The following DCAF10 variants were observed in gnomAD, a reference collection of about 807,000 sequenced individuals.
The protein encoded by DCAF10 is DDB1 and CUL4 associated factor 10.
Under a neutral mutation model 51.9 loss-of-function variants are expected in DCAF10, and 19 were observed. That is an observed-to-expected ratio of 0.37 (90% CI 0.26 to 0.54). The LOEUF is 0.54. Ranked by LOEUF, DCAF10 falls within the 20% of genes least tolerant of loss-of-function variation. The pLI is 0.87. For missense variants in DCAF10, 510 were observed against 730.6 expected (o/e 0.70, Z 3.48); for synonymous variants, 291 against 297.1 (o/e 0.98, Z 0.21).
At position 37,861,770 on chromosome 9, in the gene DCAF10, G is replaced by A; in HGVS notation, c.*262G>A. The stretch of plus-strand genomic sequence containing the variant: ...TGTGCCACTGAACTCCAGTTCTTCT[G>A]GTCATTTTGCATGGTAGCTCTTGTC... On this transcript the variant is annotated 3_prime_UTR_variant, in exon 7 of 7. Transcript: ENST00000377724. This position sits in a 1 kb window ranked among gnomAD's most constrained non-coding sequence, Gnocchi z 4.9. 1 of 358,884 alleles carries A rather than the reference G, an allele frequency of 2.8e-6. No homozygotes were observed. Among genetic ancestry groups the A allele is most frequent in the Non-Finnish European group, 5.1e-6 (1 of 196,586 alleles). The allele number at this position is 358,884 out of a possible 1,614,324, so 22.2% of individuals were successfully genotyped here. A position where few individuals can be genotyped will look rare whatever the true frequency, so the allele number is the denominator to read the frequency against.
At chr9:37,808,680 A>ATGTT (rs1465532855) in intron 1 of DCAF10, among the ~76,000 whole-genome samples, 1 of 103,434 alleles carries the variant, frequency 9.7e-6, no homozygotes, top group Non-Finnish European at 1.7e-5. Flanking sequence ...TATAATATAA[A>ATGTT]ATATAAATAT....
At chr9:37,812,252 C>A (rs1295999745) in intron 1 of DCAF10, among the ~76,000 whole-genome samples, 1 of 150,504 alleles carries the variant, frequency 6.6e-6, no homozygotes, top group Non-Finnish European at 1.5e-5. Flanking sequence ...CTACCAACTT[C>A]TTCAAAAACA....
chr9:37,842,737 T>C (rs1830368158), intron 3 of DCAF10, among the ~76,000 whole-genome samples: 1 of 152,196 alleles, frequency 6.6e-6, no homozygotes, highest in Non-Finnish European at 1.5e-5. Context: ...ATTTTGGTTG[T>C]CACTATGGGG....
intron 6 of DCAF10, 129 bp downstream of exon 6, chr9:37,860,322 T>C: frequency 9.3e-6 from 11 of 1,187,870 alleles, no homozygotes; most frequent in Non-Finnish European, 1.2e-5. Context: ...AGATCCTGCT[T>C]CTCGACTCTC....
At chr9:37,842,908 T>C (rs937114535) in intron 3 of DCAF10, among the ~76,000 whole-genome samples, 1 of 152,232 alleles carries the variant, frequency 6.6e-6, no homozygotes, top group Non-Finnish European at 1.5e-5. Flanking sequence ...TATAAAGAAA[T>C]TGATATTTAA....
rs763471594 is a variant in DCAF10, at chr9:37,860,229, A to G, written c.1311+36A>G. On this transcript the variant is annotated intron_variant, in intron 6 of 6. Transcript: ENST00000377724. ...CAGCACTCCACCTTCAACAGGGCTC[A>G]TTGGACAAATTGCCATTGCCGTGTG... The G allele has an allele frequency of 3.1e-6, 5 of 1,605,606 alleles. No homozygotes were observed. In the East Asian group the frequency reaches 8.9e-5, roughly 29 times the overall value.
chr9:37,858,283 G>C (rs1021569874), intron 5 of DCAF10, among the ~76,000 whole-genome samples: 4 of 152,106 alleles, frequency 2.6e-5, no homozygotes, highest in Admixed American at 2.0e-4. Context: ...AAGGTTAAAG[G>C]CTCCTCCTCT....
At chr9:37,805,720 A>G (rs1589072295) in intron 1 of DCAF10, among the ~76,000 whole-genome samples, 1 of 152,364 alleles carries the variant, frequency 6.6e-6, no homozygotes, top group East Asian at 1.9e-4. Context: ...TAAAAAGCAC[A>G]AAGAATAGCT....
At chr9:37,839,532 G>A (rs769861634) in intron 2 of DCAF10, among the ~76,000 whole-genome samples, 3 of 152,124 alleles carry the variant, frequency 2.0e-5, no homozygotes, top group Non-Finnish European at 2.9e-5. Flanking sequence ...GAGCTACCAC[G>A]CTTGGCCAGG....
At chr9:37,821,772 A>AACTAT (rs1829708640) in intron 2 of DCAF10, among the ~76,000 whole-genome samples, 5 of 152,356 alleles carry the variant, frequency 3.3e-5, no homozygotes, top group African/African-American at 1.2e-4. Flanking sequence ...CTGGGACCTA[A>AACTAT]TTAAACTAAA....
chr9:37,844,398 C>T (rs553367289), intron 3 of DCAF10, among the ~76,000 whole-genome samples: 85 of 152,338 alleles, frequency 5.6e-4, no homozygotes, highest in African/African-American at 1.9e-3. Context: ...CACCTGTAAT[C>T]CCAGCACTTC....
chr9:37,802,930 A>G (rs1387028207), intron 1 of DCAF10, among the ~76,000 whole-genome samples: 2 of 151,780 alleles, frequency 1.3e-5, no homozygotes, highest in Admixed American at 1.3e-4. Flanking sequence ...TCTCCTCCCA[A>G]CCTCCTACCG....
intron 2 of DCAF10, among the ~76,000 whole-genome samples, chr9:37,828,308 C>T (rs1829912445): frequency 6.6e-6 from 1 of 151,754 alleles, no homozygotes; most frequent in South Asian, 2.1e-4. Context: ...GTTGGAAGCA[C>T]TGTCATGTAT....
intron 1 of DCAF10, among the ~76,000 whole-genome samples, chr9:37,815,431 G>A (rs1829495127): frequency 6.6e-6 from 1 of 152,186 alleles, no homozygotes; most frequent in African/African-American, 2.4e-5. Flanking sequence ...GATCACCTGA[G>A]GTCAGCAGTT....
chr9:37,844,650 CA>C (rs1331232881), intron 3 of DCAF10, among the ~76,000 whole-genome samples: 2 of 151,822 alleles, frequency 1.3e-5, no homozygotes, highest in Non-Finnish European at 2.9e-5. Flanking sequence ...GACTCTGTCT[CA>C]AAACAATAAC....
At chr9:37,859,665 G>A (rs1830956316) in intron 5 of DCAF10, among the ~76,000 whole-genome samples, 2 of 152,150 alleles carry the variant, frequency 1.3e-5, no homozygotes, top group South Asian at 2.1e-4. Context: ...CCAATGAGAG[G>A]AGAATTGTTA....
chr9:37,809,115 T>C (rs1168847440), intron 1 of DCAF10, among the ~76,000 whole-genome samples: 2 of 147,766 alleles, frequency 1.4e-5, no homozygotes, highest in Non-Finnish European at 3.0e-5. Context: ...AAAAGATAAC[T>C]AGAAAAGTCT....
chr9:37,816,963 C>T (rs28563851), intron 1 of DCAF10, among the ~76,000 whole-genome samples: 29,123 of 152,026 alleles, frequency 0.19, 3,198 homozygotes, highest in African/African-American at 0.29. Flanking sequence ...GAAAAAGTGT[C>T]AGTAAAGCAA....
intron 2 of DCAF10, among the ~76,000 whole-genome samples, chr9:37,838,987 A>C (rs1589102193): frequency 6.6e-6 from 1 of 152,274 alleles, no homozygotes; most frequent in East Asian, 1.9e-4. Context: ...TTTTGAGATA[A>C]TATTAGGTTT....
Sources: allele counts gnomAD v4.1 joint callset (sites outside exome capture counted in the v4.1 genomes callset), GRCh38; gene constraint gnomAD v4.1.1; non-coding constraint Gnocchi (gnomAD v3.1); transcripts MANE v1.5; gene names NCBI Gene and HGNC (gene_info 2026-07-23, HGNC 2026-07-21).